Variants in WARS2 observed in about 807,000 individuals in gnomAD.
WARS2 encodes tryptophanyl tRNA synthetase 2, mitochondrial.
WARS2 carries 28 observed loss-of-function variants against 36.5 expected under a neutral mutation model. That is an observed-to-expected ratio of 0.77 (90% confidence interval 0.57 to 1.05). The LOEUF (loss-of-function observed/expected upper bound fraction) is 1.05, where lower values mean the gene tolerates loss of function less well. Ranked by LOEUF, WARS2 falls within the 50% of genes least tolerant of loss-of-function variation. The pLI is 0.00. For missense variants in WARS2, 435 were observed against 456.8 expected, an observed-to-expected ratio of 0.95 and a Z score of 0.44; for synonymous variants, 174 against 178.4, an observed-to-expected ratio of 0.98 and a Z score of 0.20.
rs1477650954 is a variant in WARS2 at position 119,042,254 on chromosome 1, C to G, written c.515+10G>C. The G allele has an allele frequency of 6.2e-7, 1 of 1,613,524 alleles. No individual in the cohort carries two copies. On this transcript the variant is annotated intron_variant, in intron 4 of 5. Transcript: ENST00000235521. ...AGTATGTATAAGACTGGGCTGAACT[C>G]TCTTCTTACTTGTACAACAGAATGT...
chr1:119,131,661 CCG>C (rs1553182603), intron 1 of WARS2, among the ~76,000 whole-genome samples: 19 of 151,984 alleles, frequency 1.3e-4, no homozygotes, highest in Non-Finnish European at 2.2e-4. Context: ...TGAGGTTTCA[CCG>C]TGTTAGCCAG....
At chr1:119,134,781 C>A (rs935479809) in intron 1 of WARS2, among the ~76,000 whole-genome samples, 8 of 152,122 alleles carry the variant, frequency 5.3e-5, no homozygotes, top group Non-Finnish European at 1.0e-4. Context: ...GAGTAAATTT[C>A]TCTGTTGAAA....
chr1:119,054,295 T>C (rs999035142), intron 2 of WARS2, among the ~76,000 whole-genome samples: 4 of 151,956 alleles, frequency 2.6e-5, no homozygotes, highest in Non-Finnish European at 2.9e-5. Flanking sequence ...ATGAAAGAGA[T>C]GCCCAATCTT....
At chr1:119,107,556 G>A (rs1654325251) in intron 1 of WARS2, among the ~76,000 whole-genome samples, 1 of 151,744 alleles carries the variant, frequency 6.6e-6, no homozygotes, top group African/African-American at 2.4e-5. Context: ...GCCTTTCTTT[G>A]ACTGTAAATA....
At chr1:119,051,829 G>A (rs114788843) in intron 2 of WARS2, among the ~76,000 whole-genome samples, 5,357 of 146,664 alleles carry the variant, frequency 0.037, 136 homozygotes, top group Non-Finnish European at 0.053. Context: ...GTGTAGTGGC[G>A]CGATCGGCAA....
intron 2 of WARS2, among the ~76,000 whole-genome samples, chr1:119,056,070 G>C (rs377287672): frequency 6.7e-6 from 1 of 148,860 alleles, no homozygotes; most frequent in African/African-American, 2.5e-5. Flanking sequence ...CCAGGCTGGA[G>C]TGCAGTGGTG....
chr1:119,112,780 T>C (rs1011143974), intron 1 of WARS2, among the ~76,000 whole-genome samples: 2 of 152,192 alleles, frequency 1.3e-5, no homozygotes, highest in African/African-American at 4.8e-5. Flanking sequence ...TTTCCAGTTT[T>C]TGTTCTGGAA....
At chr1:119,087,876 G>A (rs1192368329) in intron 1 of WARS2, among the ~76,000 whole-genome samples, 1 of 152,138 alleles carries the variant, frequency 6.6e-6, no homozygotes, top group Non-Finnish European at 1.5e-5. Context: ...TGAGAGGAAG[G>A]GATTACAGCA....
chr1:119,050,467 G>T (rs1649248041), intron 2 of WARS2, among the ~76,000 whole-genome samples: 1 of 151,918 alleles, frequency 6.6e-6, no homozygotes, highest in African/African-American at 2.4e-5. Context: ...TGGTAGCAAA[G>T]ATTTTTCTCT....
chr1:119,140,557 G>T lies in WARS2; in HGVS notation c.88C>A (p.Gln30Lys), dbSNP rs2101596518. 1 of 1,613,222 alleles carries T rather than the reference G, an allele frequency of 6.2e-7. No homozygotes were observed. The highest frequency in any genetic ancestry group is 1.3e-5 in the African/African-American group (1 of 75,052). The change falls in exon 1 of 6, where the codon CAG becomes AAG. Residue 30 changes from glutamine (Q) to lysine (K), a missense_variant and splice_region_variant. Coordinates refer to ENST00000235521, the MANE Select transcript of WARS2 (RefSeq NM_015836.4). ...HKGSAAAPAL[Q>K]KDSKKRVFSG... The stretch of plus-strand genomic sequence containing the variant: ...AGGGAAGGGCCGTCTTTGGTTACCT[G>T]GAGAGCGGGAGCAGCTGCGGATCCC...
intron 2 of WARS2, among the ~76,000 whole-genome samples, chr1:119,058,969 T>C (rs1650125402): frequency 1.3e-5 from 2 of 152,072 alleles, no homozygotes; most frequent in South Asian, 4.2e-4. Context: ...CTCCAGGACC[T>C]GTTGTTTCCT....
At chr1:119,050,447 A>G (rs1417945428) in intron 2 of WARS2, among the ~76,000 whole-genome samples, 1 of 152,184 alleles carries the variant, frequency 6.6e-6, no homozygotes, top group Admixed American at 6.5e-5. Context: ...CTAATAGAAC[A>G]TAAGTAGCAT....
intron 1 of WARS2, chr1:119,082,309 C>CGTGCTGT: frequency 1.0e-6 from 1 of 985,408 alleles, no homozygotes. Context: ...AAGAGTTACA[C>CGTGCTGT]ATCTATTTTC....
chr1:119,033,500 C>T lies in WARS2; in HGVS notation c.635-141G>A. ...CTTTACAGTGGTGCAAATGTGATATCCATTCAGTAGAAACTGTACTTGAAA... is the reference window on the plus strand; with the variant it reads ...CTTTACAGTGGTGCAAATGTGATATTCATTCAGTAGAAACTGTACTTGAAA... On this transcript the variant is annotated intron_variant, in intron 5 of 5. Transcript: ENST00000235521. 2 of 1,025,238 alleles carry T rather than the reference C, an allele frequency of 2.0e-6. 1 individual carries two copies. Among genetic ancestry groups the T allele is most frequent in the South Asian group, 3.0e-5 (2 of 66,114 alleles). The allele number at this position is 1,025,238 out of a possible 1,614,324, so 63.5% of individuals were successfully genotyped here. A position where few individuals can be genotyped will look rare whatever the true frequency, so the allele number is the denominator to read the frequency against.
At chr1:119,041,111 C>G (rs1648318470) in intron 4 of WARS2, among the ~76,000 whole-genome samples, 2 of 152,174 alleles carry the variant, frequency 1.3e-5, no homozygotes, top group South Asian at 4.1e-4. Context: ...CATAATTGCA[C>G]AAGGGCTCTG....
chr1:119,104,707 C>A (rs1318742683), intron 1 of WARS2, among the ~76,000 whole-genome samples: 1 of 145,540 alleles, frequency 6.9e-6, no homozygotes, highest in Non-Finnish European at 1.5e-5. Flanking sequence ...CCTTGGAGCA[C>A]ATGACATTTG....
chr1:119,076,243 A>G (rs923008134), intron 2 of WARS2, 107 bp downstream of exon 2: 98 of 1,414,914 alleles, frequency 6.9e-5, no homozygotes, highest in Non-Finnish European at 9.0e-5. Context: ...AGTCACCTTC[A>G]AACACTTTTT....
intron 1 of WARS2, 71 bp from the exon 2 acceptor site, chr1:119,076,678 T>C (rs1419270152): frequency 2.5e-6 from 4 of 1,574,980 alleles, no homozygotes; most frequent in Non-Finnish European, 3.4e-6. Context: ...CATGTTATCA[T>C]AGCTATGGGA....
chr1:119,068,854 TAC>T (rs34605879), intron 2 of WARS2, among the ~76,000 whole-genome samples: 68,757 of 148,476 alleles, frequency 0.46, 16,604 homozygotes, highest in African/African-American at 0.62. Flanking sequence ...CACACACACA[TAC>T]ACACACACAC....
Sources: gnomAD v4.1 joint callset for allele counts (sites outside exome capture counted in the v4.1 genomes callset) on GRCh38, gnomAD v4.1.1 for gene constraint, MANE v1.5 for transcripts, NCBI Gene and HGNC (gene_info 2026-07-23, HGNC 2026-07-21) for gene names.